Variants in ADH7 observed in about 807,000 individuals in gnomAD.
The protein encoded by ADH7 is alcohol dehydrogenase 7 (class IV), mu or sigma polypeptide, also known as all-trans-retinol dehydrogenase [NAD(+)] ADH7.
In ADH7, 41 loss-of-function variants were observed where a neutral mutation model predicts 34.4. The observed-to-expected ratio is 1.19, with a 90% CI of 0.93 to 1.55. The LOEUF (loss-of-function observed/expected upper bound fraction) is 1.55. ADH7 is among the 40% of genes most tolerant of loss of function. The pLI is 0.00. For synonymous variants in ADH7, 180 were observed against 160.9 expected (o/e 1.12, Z -0.90); for missense variants, 540 against 461.2 (o/e 1.17, Z -1.56).
At chr4:99,428,415 C>A in intron 3 of ADH7, 77 bp downstream of exon 3, 1 of 1,489,214 alleles carries the variant, frequency 6.7e-7, no homozygotes. Context: ...CTAATAATTC[C>A]TAGTGTGTGC....
At chr4:99,419,615 G>A (rs1343825419) in intron 6 of ADH7, among the ~76,000 whole-genome samples, 1 of 152,006 alleles carries the variant, frequency 6.6e-6, no homozygotes, top group Non-Finnish European at 1.5e-5. Context: ...CAGTTATTAA[G>A]CAATAATTTA....
intron 5 of ADH7, among the ~76,000 whole-genome samples, chr4:99,426,897 C>A (rs1354717216): frequency 6.6e-6 from 1 of 152,180 alleles, no homozygotes; most frequent in Non-Finnish European, 1.5e-5. Context: ...CGATGCAAGG[C>A]TGGTTCAATA....
chr4:99,413,505 C>T (rs972949796), intron 8 of ADH7, among the ~76,000 whole-genome samples: 1 of 152,130 alleles, frequency 6.6e-6, no homozygotes, highest in Non-Finnish European at 1.5e-5. Context: ...CCAAGAGATC[C>T]TGCAAGTAGA....
intron 3 of ADH7, 50 bp downstream of exon 3, chr4:99,428,442 C>CTAA: frequency 1.3e-6 from 2 of 1,583,090 alleles, no homozygotes; most frequent in Non-Finnish European, 1.7e-6. Context: ...CTTTGATAGG[C>CTAA]TAATCAAAGC....
intron 5 of ADH7, among the ~76,000 whole-genome samples, chr4:99,425,889 C>A (rs1326434372): frequency 2.6e-5 from 4 of 152,026 alleles, no homozygotes; most frequent in Non-Finnish European, 5.9e-5. Flanking sequence ...CAAACTAGAA[C>A]TCAGGATTAA....
In ADH7 at chr4:99,427,744, C is replaced by T. The variant is rs185264582; in HGVS notation, c.564+29G>A. The T allele has an allele frequency of 5.3e-5, 72 of 1,350,942 alleles. No individual in the cohort carries two copies. In the African/African-American group the frequency reaches 8.8e-4, roughly 17 times the overall value. 83.7% of individuals were successfully genotyped at this position (1,350,942 alleles called of 1,614,324 possible). On this transcript the variant is annotated intron_variant, in intron 5 of 8. Transcript: ENST00000437033. ...ATCATTTAAGAAAAGGAAAGAAGAA[C>T]AAATAAACTAGCCTACCCTGTTTCT...
At chr4:99,435,068 T>G (rs1331436724) in intron 1 of ADH7, 148 bp downstream of exon 1, 1 of 1,546,806 alleles carries the variant, frequency 6.5e-7, no homozygotes, top group Non-Finnish European at 8.7e-7. Flanking sequence ...ATATCCAGTG[T>G]TTCCCTCACT....
At chr4:99,416,335 T>C (rs1024853429) in intron 7 of ADH7, among the ~76,000 whole-genome samples, 58 of 152,186 alleles carry the variant, frequency 3.8e-4, no homozygotes, top group African/African-American at 1.3e-3. Flanking sequence ...CTGATTACGC[T>C]CTTGCCCCCA....
chr4:99,434,138 T>C (rs954604495), intron 1 of ADH7, among the ~76,000 whole-genome samples: 1 of 152,202 alleles, frequency 6.6e-6, no homozygotes, highest in Non-Finnish European at 1.5e-5. Context: ...AGAAATGTTC[T>C]TACAGTGGAT....
intron 5 of ADH7, among the ~76,000 whole-genome samples, chr4:99,421,571 C>T (rs1036333003): frequency 6.6e-6 from 1 of 152,116 alleles, no homozygotes; most frequent in Non-Finnish European, 1.5e-5. Flanking sequence ...TAGGCAATAC[C>T]ATTCAGAACT....
intron 1 of ADH7, among the ~76,000 whole-genome samples, chr4:99,434,755 AT>A (rs1722009229): frequency 6.6e-6 from 1 of 152,090 alleles, no homozygotes. Context: ...TTTCTTGGCC[AT>A]TTTGCATCCC....
chr4:99,430,166 T>C lies in ADH7; in HGVS notation c.19-533A>G, dbSNP rs117573922. The C allele has an allele frequency of 6.9e-4, 106 of 152,568 alleles. 2 individuals carry two copies. In the East Asian group the frequency reaches 0.02, roughly 29 times the overall value. The allele number at this position is 152,568 out of a possible 1,614,324, so 9.5% of individuals were successfully genotyped here. ...GTAAGGATGAAGAGAACCATGAACA[T>C]CATGAAGCATACAGATTATGACTGT... On this transcript the variant is annotated intron_variant, in intron 1 of 8. Coordinates refer to ENST00000437033, the MANE Select transcript of ADH7 (RefSeq NM_000673.7).
intron 7 of ADH7, among the ~76,000 whole-genome samples, chr4:99,417,166 G>A (rs1312456823): frequency 1.3e-5 from 2 of 152,064 alleles, no homozygotes; most frequent in East Asian, 3.9e-4. Context: ...CAGAAGGAGA[G>A]TGTTAAAATG....
chr4:99,432,081 G>A (rs1333787039), intron 1 of ADH7, among the ~76,000 whole-genome samples: 3 of 152,128 alleles, frequency 2.0e-5, no homozygotes, highest in Non-Finnish European at 4.4e-5. Context: ...GCCCATTAAT[G>A]CTAGACTAGA....
intron 3 of ADH7, 111 bp from the exon 4 acceptor site, chr4:99,428,285 A>G: frequency 5.6e-6 from 7 of 1,258,074 alleles, no homozygotes; most frequent in Non-Finnish European, 7.9e-6. Flanking sequence ...AATATATTCT[A>G]AGGTTTATAA....
chr4:99,431,487 A>G (rs1235576235), intron 1 of ADH7, among the ~76,000 whole-genome samples: 2 of 152,196 alleles, frequency 1.3e-5, no homozygotes, highest in Admixed American at 6.5e-5. Context: ...AATTTAACTA[A>G]AGGGCTTCTG....
chr4:99,432,950 A>G (rs1254723920), intron 1 of ADH7, among the ~76,000 whole-genome samples: 1 of 152,164 alleles, frequency 6.6e-6, no homozygotes, highest in African/African-American at 2.4e-5. Context: ...GTTAGCTGGG[A>G]CTACAGGCAC....
Position 99,420,748 on chromosome 4 carries a change from C to T in ADH7, c.610G>A (p.Gly204Ser). 6.2e-7 allele frequency: 1 copy of T among 1,613,858 alleles called. No individual in the cohort carries two copies. Among genetic ancestry groups the T allele is most frequent in the African/African-American group, 1.3e-5 (1 of 75,020 alleles). Residue 204 changes from glycine (G) to serine (S), a missense_variant, in exon 6 of 9, where the codon GGC becomes AGC. By Grantham distance (56) the Gly-to-Ser change is moderately conservative. Coordinates refer to ENST00000437033, the MANE Select transcript of ADH7 (RefSeq NM_000673.7). The stretch of plus-strand genomic sequence containing the variant: ...TTACAGCCCATGATGACTGACAGGC[C>T]AACTCCTCCCAGGCCAAAGACGACG... ...TCVVFGLGGV[G>S]LSVIMGCKSA...
At chr4:99,422,862 CTATTT>C (rs1721699506) in intron 5 of ADH7, among the ~76,000 whole-genome samples, 1 of 138,218 alleles carries the variant, frequency 7.2e-6, no homozygotes, top group South Asian at 2.3e-4. Flanking sequence ...TAAAATAGAT[CTATTT>C]TATTTATTTA....
Sources: allele counts gnomAD v4.1 joint callset (sites outside exome capture counted in the v4.1 genomes callset), GRCh38; gene constraint gnomAD v4.1.1; transcripts MANE v1.5; gene names NCBI Gene and HGNC (gene_info 2026-07-23, HGNC 2026-07-21).